PMM2: variants seen among roughly 807,000 people sequenced by gnomAD.
The protein encoded by PMM2 is mannose-6-phosphate isomerase.
In PMM2, 35 loss-of-function variants were observed where a neutral mutation model predicts 33.2. That is an observed-to-expected ratio of 1.06 (90% CI 0.81 to 1.40). The LOEUF (loss-of-function observed/expected upper bound fraction) is 1.40, where lower values mean the gene tolerates loss of function less well. Ranked by LOEUF, PMM2 falls within the 40% of genes most tolerant of loss-of-function variation. PMM2 has a pLI of 0.00. For synonymous variants in PMM2, 153 were observed against 114.7 expected (o/e 1.33, Z -2.13); for missense variants, 386 against 306.0 (o/e 1.26, Z -1.95).
At chr16:8,819,062 CA>C (rs1285209976) in intron 7 of PMM2, among the ~76,000 whole-genome samples, 3 of 152,216 alleles carry the variant, frequency 2.0e-5, no homozygotes, top group Non-Finnish European at 4.4e-5. Flanking sequence ...TCTAACACTT[CA>C]TGAATATCAA....
At chr16:8,827,848 A>ATGTTATATATT (rs1289299089) in intron 7 of PMM2, among the ~76,000 whole-genome samples, 1 of 69,916 alleles carries the variant, frequency 1.4e-5, no homozygotes, top group African/African-American at 5.0e-5. Flanking sequence ...TATAATATAT[A>ATGTTATATATT]ATATATATGT....
At chr16:8,834,433 G>C (rs1385807832) in intron 7 of PMM2, among the ~76,000 whole-genome samples, 4 of 151,840 alleles carry the variant, frequency 2.6e-5, no homozygotes, top group Admixed American at 6.6e-5. Flanking sequence ...TGACTGCGGT[G>C]GCCTTCTCAG....
At chr16:8,809,575 C>T (rs903168221) in intron 4 of PMM2, 1 of 152,112 alleles carries the variant, frequency 6.6e-6, no homozygotes, top group Non-Finnish European at 1.5e-5. Flanking sequence ...GCCTCAGCCT[C>T]TCAAGTAGCT....
At chr16:8,845,257 AG>A (rs2060917791) in intron 7 of PMM2, among the ~76,000 whole-genome samples, 2 of 152,214 alleles carry the variant, frequency 1.3e-5, no homozygotes, top group Admixed American at 1.3e-4. Context: ...AGAATTTCAA[AG>A]AACCTTCTTA....
intron 4 of PMM2, 130 bp from the exon 5 acceptor site, chr16:8,810,949 A>C: frequency 1.4e-6 from 1 of 707,356 alleles, no homozygotes; most frequent in East Asian, 2.7e-5. Context: ...ATTACATAGC[A>C]CAGAGCTGAG....
chr16:8,830,823 G>A (rs2060805231), intron 7 of PMM2, among the ~76,000 whole-genome samples: 1 of 152,246 alleles, frequency 6.6e-6, no homozygotes, highest in African/African-American at 2.4e-5. Flanking sequence ...TTTCAGGAAA[G>A]AGCTGTTATC....
At chr16:8,823,488 C>G (rs1232384861) in intron 7 of PMM2, among the ~76,000 whole-genome samples, 1 of 152,144 alleles carries the variant, frequency 6.6e-6, no homozygotes, top group African/African-American at 2.4e-5. Flanking sequence ...TTATTAAAGA[C>G]AAACCGTAGT....
At chr16:8,798,051 A>G in intron 1 of PMM2, 103 bp downstream of exon 1, 1 of 1,099,506 alleles carries the variant, frequency 9.1e-7, no homozygotes, top group Non-Finnish European at 1.3e-6. Flanking sequence ...GTGGCTAAGG[A>G]CCGCCTACGT....
At chr16:8,829,612 C>T (rs2141036175) in intron 7 of PMM2, among the ~76,000 whole-genome samples, 1 of 152,314 alleles carries the variant, frequency 6.6e-6, no homozygotes, top group South Asian at 2.1e-4. Context: ...ATCTTTGATC[C>T]ACTCCACTCA....
intron 7 of PMM2, among the ~76,000 whole-genome samples, chr16:8,830,475 A>G (rs1243738141): frequency 6.6e-6 from 1 of 152,020 alleles, no homozygotes; most frequent in Non-Finnish European, 1.5e-5. Flanking sequence ...GGGGCTCTGG[A>G]GGTGTGGATT....
At chr16:8,822,781 T>C (rs1860041045) in intron 7 of PMM2, among the ~76,000 whole-genome samples, 1 of 152,198 alleles carries the variant, frequency 6.6e-6, no homozygotes, top group South Asian at 2.1e-4. Flanking sequence ...TGAAACCACT[T>C]TGCAGCTGTC....
intron 7 of PMM2, among the ~76,000 whole-genome samples, chr16:8,821,867 G>A (rs953498807): frequency 1.3e-5 from 2 of 152,186 alleles, no homozygotes; most frequent in African/African-American, 4.8e-5. Context: ...GCATTTTTAA[G>A]GCATCCCCAG....
chr16:8,835,118 C>G (rs375028201), intron 7 of PMM2, among the ~76,000 whole-genome samples: 4 of 140,780 alleles, frequency 2.8e-5, no homozygotes, highest in African/African-American at 7.8e-5. Context: ...AGCCGCTGCA[C>G]GCAGACATGA....
intron 7 of PMM2, among the ~76,000 whole-genome samples, chr16:8,835,407 C>T (rs2141041219): frequency 6.6e-6 from 1 of 152,088 alleles, no homozygotes; most frequent in South Asian, 2.1e-4. Context: ...TGTGGCCGTA[C>T]AGCCCAGGTA....
At chr16:8,824,406 C>T (rs1466885853) in intron 7 of PMM2, among the ~76,000 whole-genome samples, 4 of 152,192 alleles carry the variant, frequency 2.6e-5, no homozygotes, top group African/African-American at 9.6e-5. Flanking sequence ...GTTAAAGATG[C>T]AGTCAACAAG....
chr16:8,817,690 T>A (rs1468080156), intron 7 of PMM2, among the ~76,000 whole-genome samples: 2 of 151,796 alleles, frequency 1.3e-5, no homozygotes, highest in East Asian at 3.9e-4. Flanking sequence ...ATGGAAGCTT[T>A]CCCCCAATTG....
rs80338700 is a variant in PMM2 at position 8,806,398 on chromosome 16, C to G, written c.338C>G (p.Pro113Arg). The change falls in exon 4 of 8, where the codon CCG (proline) becomes CGG (arginine). Residue 113 changes from proline to arginine, a missense_variant. Pro to Arg is a moderately radical substitution (Grantham distance 103, BLOSUM62 -2). Coordinates refer to ENST00000268261, the MANE Select transcript of PMM2 (RefSeq NM_000303.3). The part of the protein sequence containing the change: ...CLSYIAKIKL[P>R]KKRGTFIEFR... Reference sequence around the variant, plus strand: ...AGCTACATTGCGAAAATTAAACTCCCGAAGAAGAGGTGGGTTTGCTTTTAA... The same window carrying G: ...AGCTACATTGCGAAAATTAAACTCCGGAAGAAGAGGTGGGTTTGCTTTTAA... 1 of 1,609,296 alleles carries G rather than the reference C, an allele frequency of 6.2e-7. No homozygotes were observed. The highest frequency in any genetic ancestry group is 8.5e-7 in the Non-Finnish European group (1 of 1,175,674).
At chr16:8,802,555 G>A (rs970005078) in intron 2 of PMM2, among the ~76,000 whole-genome samples, 1 of 152,156 alleles carries the variant, frequency 6.6e-6, no homozygotes, top group Non-Finnish European at 1.5e-5. Flanking sequence ...GATGCCAGGC[G>A]CGGTGGCTCA....
intron 4 of PMM2, chr16:8,807,970 G>A (rs1164956339): frequency 1.3e-5 from 2 of 152,192 alleles, no homozygotes; most frequent in African/African-American, 4.8e-5. Context: ...TGGTGAGGTT[G>A]CAAGTGATTT....
Sources: allele counts gnomAD v4.1 joint callset (sites outside exome capture counted in the v4.1 genomes callset), GRCh38; gene constraint gnomAD v4.1.1; transcripts MANE v1.5; gene names NCBI Gene and HGNC (gene_info 2026-07-23, HGNC 2026-07-21).